The following LIMS1 variants were observed in gnomAD, a reference collection of about 807,000 sequenced individuals.
The protein encoded by LIMS1 is LIM and senescent cell antigen-like-containing domain protein 1.
In LIMS1, 18 loss-of-function variants were observed where a neutral mutation model predicts 44.1. That is an observed-to-expected ratio of 0.41 (90% CI 0.28 to 0.61). The LOEUF (loss-of-function observed/expected upper bound fraction) is 0.61. Among genes scored for constraint, LIMS1 ranks in the 20% least tolerant of loss-of-function variants. LIMS1 has a pLI of 0.32. For synonymous variants in LIMS1, 93 were observed against 149.1 expected (o/e 0.62, Z 2.74); for missense variants, 201 against 422.0 (o/e 0.48, Z 4.59).
intron 9 of LIMS1, among the ~76,000 whole-genome samples, chr2:108,681,870 G>A (rs1386218273): frequency 6.7e-6 from 1 of 149,648 alleles, no homozygotes; most frequent in East Asian, 2.0e-4. Context: ...CAGCTTGGGC[G>A]ACAGAGTGAG....
chr2:108,612,807 T>C (rs1687726809), intron 1 of LIMS1, among the ~76,000 whole-genome samples: 1 of 152,138 alleles, frequency 6.6e-6, no homozygotes. Flanking sequence ...GGGTGGTTTC[T>C]AGTCAGTGTT....
At chr2:108,609,321 C>T (rs1687457605) in intron 1 of LIMS1, among the ~76,000 whole-genome samples, 1 of 152,188 alleles carries the variant, frequency 6.6e-6, no homozygotes, top group Admixed American at 6.5e-5. Context: ...GGTGTTGCTG[C>T]CTGGAGCTGC....
chr2:108,552,329 A>G (rs1684779485), intron 1 of LIMS1, among the ~76,000 whole-genome samples: 1 of 141,608 alleles, frequency 7.1e-6, no homozygotes, highest in Non-Finnish European at 1.5e-5. Flanking sequence ...CTATATATAT[A>G]CTATACGTGT....
At chr2:108,561,632 A>G (rs1685122295) in intron 1 of LIMS1, among the ~76,000 whole-genome samples, 1 of 152,206 alleles carries the variant, frequency 6.6e-6, no homozygotes, top group Non-Finnish European at 1.5e-5. Context: ...TTTTTCCAAC[A>G]GCATGTGCTC....
At chr2:108,646,189 C>T (rs1690051625) in intron 1 of LIMS1, among the ~76,000 whole-genome samples, 1 of 152,186 alleles carries the variant, frequency 6.6e-6, no homozygotes. Context: ...ACACTCTTCT[C>T]AGCACCACAT....
intron 1 of LIMS1, among the ~76,000 whole-genome samples, chr2:108,602,986 T>C (rs117373568): frequency 6.6e-6 from 1 of 152,282 alleles, no homozygotes; most frequent in East Asian, 1.9e-4. Flanking sequence ...TTCGTCATGG[T>C]ACCCAGCCAG....
intron 1 of LIMS1, among the ~76,000 whole-genome samples, chr2:108,552,813 A>T (rs1453624170): frequency 6.6e-6 from 1 of 152,016 alleles, no homozygotes; most frequent in African/African-American, 2.4e-5. Flanking sequence ...CCTGGCCTCA[A>T]GCAATCCTTT....
intron 1 of LIMS1, among the ~76,000 whole-genome samples, chr2:108,596,915 G>GTTTTTTTTTTTTTTTTTTTTTTTTT: frequency 1.5e-5 from 1 of 68,444 alleles, no homozygotes; most frequent in Non-Finnish European, 2.7e-5. Flanking sequence ...CGAAACATCT[G>GTTTTTTTTTTTTTTTTTTTTTTTTT]TTTTTTTTTT....
chr2:108,659,123 T>C, intron 1 of LIMS1: 1 of 981,350 alleles, frequency 1.0e-6, no homozygotes, highest in African/African-American at 1.7e-5. Context: ...CCACAGGATT[T>C]AATCAAAGGG....
intron 9 of LIMS1, chr2:108,681,105 G>A (rs1692962701): frequency 7.8e-7 from 1 of 1,276,154 alleles, no homozygotes; most frequent in East Asian, 3.1e-5. Flanking sequence ...GAAAAAGCCA[G>A]TCTGTTTGTA....
intron 1 of LIMS1, among the ~76,000 whole-genome samples, chr2:108,560,930 T>C (rs1441036525): frequency 6.6e-6 from 1 of 152,210 alleles, no homozygotes; most frequent in African/African-American, 2.4e-5. Context: ...GTGTGTGCTT[T>C]GATAAATAAC....
chr2:108,596,243 A>G (rs1686675720), intron 1 of LIMS1, among the ~76,000 whole-genome samples: 1 of 152,222 alleles, frequency 6.6e-6, no homozygotes, highest in Non-Finnish European at 1.5e-5. Flanking sequence ...TTAATTTGTA[A>G]TTCTTACAAA....
chr2:108,624,304 T>G (rs1171405488), intron 1 of LIMS1, among the ~76,000 whole-genome samples: 1 of 152,254 alleles, frequency 6.6e-6, no homozygotes, highest in Admixed American at 6.5e-5. Flanking sequence ...AGTTGTTTTT[T>G]GACAATACCT....
chr2:108,647,848 G>T (rs1428922260), intron 1 of LIMS1, among the ~76,000 whole-genome samples: 1 of 152,156 alleles, frequency 6.6e-6, no homozygotes, highest in Admixed American at 6.5e-5. Context: ...CAAACCCACA[G>T]CCAATAGCAT....
chr2:108,628,329 T>A (rs1378288843), intron 1 of LIMS1, among the ~76,000 whole-genome samples: 1 of 152,222 alleles, frequency 6.6e-6, no homozygotes, highest in Non-Finnish European at 1.5e-5. Flanking sequence ...CTCCCATGGC[T>A]CTTGAGTATG....
At position 108,628,663 on chromosome 2, in the gene LIMS1, A is replaced by G. The variant is rs529193732; in HGVS notation, c.33-30942A>G. ...GTATTTTTAGTAGAGACGGGGTTTC[A>G]CCATGTTGGCCAGGCTGGTCTCGAA... On this transcript the variant is annotated intron_variant, in intron 1 of 9. Coordinates refer to ENST00000544547, the Ensembl canonical transcript of LIMS1. Among the ~76,000 whole-genome samples, 4 of 152,242 alleles carry G rather than the reference A, an allele frequency of 2.6e-5. No individual in the cohort carries two copies. In the South Asian group the frequency reaches 8.3e-4, roughly 32 times the overall value.
chr2:108,650,310 AACATAT>A (rs946194120), intron 1 of LIMS1, among the ~76,000 whole-genome samples: 1 of 152,240 alleles, frequency 6.6e-6, no homozygotes, highest in Admixed American at 6.5e-5. Flanking sequence ...TTGAAAAAAT[AACATAT>A]TTCTTTTAGC....
intron 1 of LIMS1, among the ~76,000 whole-genome samples, chr2:108,611,562 C>T (rs887664998): frequency 7.2e-5 from 11 of 151,972 alleles, no homozygotes; most frequent in Admixed American, 2.6e-4. Flanking sequence ...ACATAGTTCC[C>T]TAGAGTGTTT....
At chr2:108,583,210 T>A (rs1310823765) in intron 1 of LIMS1, among the ~76,000 whole-genome samples, 1 of 132,504 alleles carries the variant, frequency 7.5e-6, no homozygotes, top group Non-Finnish European at 1.7e-5. Context: ...TGTTTGTATT[T>A]TTTTTTTTTT....
Sources: allele counts gnomAD v4.1 joint callset (sites outside exome capture counted in the v4.1 genomes callset), GRCh38; gene constraint gnomAD v4.1.1; transcripts MANE v1.5; gene names NCBI Gene and HGNC (gene_info 2026-07-23, HGNC 2026-07-21).